TBC1D9: variants seen among roughly 807,000 people sequenced by gnomAD.
The protein encoded by TBC1D9 is TBC1 domain family member 9, also known as TBC1 domain family member 9A.
A neutral mutation model predicts 132.0 loss-of-function variants in TBC1D9; 63 were observed. That is an observed-to-expected ratio of 0.48 (90% CI 0.39 to 0.59). The LOEUF (loss-of-function observed/expected upper bound fraction) is 0.59, where lower values mean the gene tolerates loss of function less well. Ranked by LOEUF, TBC1D9 falls within the 20% of genes least tolerant of loss-of-function variation. TBC1D9 has a pLI of 0.00. For synonymous variants in TBC1D9, 610 were observed against 609.9 expected (o/e 1.00, Z 0.00); for missense variants, 1,261 against 1,592.7 (o/e 0.79, Z 3.54).
chr4:140,641,091 AAAAAAAAAAAAAAC>A (rs1293826822), intron 13 of TBC1D9, among the ~76,000 whole-genome samples: 4 of 56,864 alleles, frequency 7.0e-5, no homozygotes, highest in Non-Finnish European at 1.0e-4. Context: ...AATACTAAGC[AAAAAAAAAAAAAAC>A]AAAAAAAAAC....
chr4:140,720,298 T>C (rs1738403444), intron 1 of TBC1D9, among the ~76,000 whole-genome samples: 4 of 152,158 alleles, frequency 2.6e-5, no homozygotes, highest in African/African-American at 9.7e-5. Context: ...GTTTCTGGGC[T>C]CAGGAGTCAC....
intron 1 of TBC1D9, chr4:140,712,196 G>A (rs1268678526): frequency 6.7e-6 from 1 of 148,384 alleles, no homozygotes; most frequent in Non-Finnish European, 1.5e-5. Context: ...CTTCCTTGGA[G>A]AGGGACCTGG....
chr4:140,749,683 A>T (rs1477120596), intron 1 of TBC1D9, among the ~76,000 whole-genome samples: 1 of 152,142 alleles, frequency 6.6e-6, no homozygotes, highest in Non-Finnish European at 1.5e-5. Flanking sequence ...TTAAATTACT[A>T]AACATTATAA....
chr4:140,721,312 C>T (rs899063447), intron 1 of TBC1D9, among the ~76,000 whole-genome samples: 2 of 152,320 alleles, frequency 1.3e-5, no homozygotes, highest in Admixed American at 6.5e-5. Flanking sequence ...GGTGACCTTA[C>T]GCCAGGTAGG....
chr4:140,642,703 T>C, intron 13 of TBC1D9: 1 of 662,554 alleles, frequency 1.5e-6, no homozygotes, highest in Non-Finnish European at 2.7e-6. Context: ...GGGCATTGTG[T>C]TCCTCCTTGG....
At chr4:140,699,357 C>T (rs1166942587) in intron 2 of TBC1D9, among the ~76,000 whole-genome samples, 3 of 152,124 alleles carry the variant, frequency 2.0e-5, no homozygotes, top group Admixed American at 6.5e-5. Context: ...AAAGAGAATA[C>T]TTTGAAAAGG....
intron 9 of TBC1D9, among the ~76,000 whole-genome samples, chr4:140,667,079 G>A (rs1388125060): frequency 6.6e-6 from 1 of 152,214 alleles, no homozygotes; most frequent in Non-Finnish European, 1.5e-5. Context: ...TTCAGGTCAT[G>A]ATGCCGTCAC....
In TBC1D9 at chr4:140,622,000, T is replaced by C. The variant is rs1438050793; in HGVS notation, c.*195A>G. The C allele has an allele frequency of 1.2e-5, 8 of 681,510 alleles. No individual in the cohort carries two copies. The East Asian group carries it at 2.4e-4, about 21-fold the overall frequency. 42.2% of individuals were successfully genotyped at this position (681,510 alleles called of 1,614,324 possible). A position where few individuals can be genotyped will look rare whatever the true frequency, so the allele number is the denominator to read the frequency against. On this transcript the variant is annotated 3_prime_UTR_variant, in exon 21 of 21. Coordinates refer to ENST00000442267, the MANE Select transcript of TBC1D9 (RefSeq NM_015130.3). ...GTAAATCCCCTCCCCGCAACAAGAG[T>C]GTAATGTACCTACATTGAGGTGTTT...
intron 4 of TBC1D9, among the ~76,000 whole-genome samples, 185 bp downstream of exon 4, chr4:140,679,430 T>C (rs542363028): frequency 2.0e-5 from 3 of 152,316 alleles, no homozygotes; most frequent in South Asian, 2.1e-4. Context: ...CTTTAGTGAA[T>C]CTTTATTACT....
At chr4:140,750,279 T>C (rs903844143) in intron 1 of TBC1D9, among the ~76,000 whole-genome samples, 2 of 151,950 alleles carry the variant, frequency 1.3e-5, no homozygotes, top group African/African-American at 2.4e-5. Flanking sequence ...TTCATAATTG[T>C]ATATGAGGTC....
At chr4:140,719,982 C>T (rs1738398007) in intron 1 of TBC1D9, among the ~76,000 whole-genome samples, 1 of 152,140 alleles carries the variant, frequency 6.6e-6, no homozygotes, top group South Asian at 2.1e-4. Flanking sequence ...TGATAAAAAC[C>T]ACAATTTCTT....
intron 1 of TBC1D9, among the ~76,000 whole-genome samples, chr4:140,750,269 T>C (rs1738900005): frequency 6.6e-6 from 1 of 152,038 alleles, no homozygotes; most frequent in Non-Finnish European, 1.5e-5. Flanking sequence ...GCCACATCAA[T>C]TCATAATTGT....
chr4:140,641,949 A>C (rs1183340015), intron 13 of TBC1D9: 1 of 514,150 alleles, frequency 1.9e-6, no homozygotes, highest in Non-Finnish European at 3.5e-6. Flanking sequence ...GTGTTTGGAG[A>C]TAGTAACCTT....
chr4:140,752,900 T>C (rs1738947599), intron 1 of TBC1D9, among the ~76,000 whole-genome samples: 1 of 152,200 alleles, frequency 6.6e-6, no homozygotes, highest in Admixed American at 6.5e-5. Context: ...GTTTCCCTAC[T>C]CATCTGTCAT....
intron 1 of TBC1D9, among the ~76,000 whole-genome samples, chr4:140,754,092 T>C (rs543542298): frequency 2.0e-4 from 30 of 152,288 alleles, no homozygotes; most frequent in African/African-American, 7.2e-4. Context: ...AAGATGAGAT[T>C]TCAAGTGGAC....
At chr4:140,630,381 T>A (rs1736775960) in intron 16 of TBC1D9, among the ~76,000 whole-genome samples, 1 of 152,218 alleles carries the variant, frequency 6.6e-6, no homozygotes, top group South Asian at 2.1e-4. Context: ...AGATCCATGG[T>A]AGCATTATAA....
In TBC1D9 at chr4:140,657,094, T is replaced by C. The variant is rs372002820; in HGVS notation, c.2337+3A>G. On this transcript the variant is annotated splice_donor_region_variant and intron_variant, in intron 13 of 20. Coordinates refer to ENST00000442267, the MANE Select transcript of TBC1D9 (RefSeq NM_015130.3). ...CCCTGCTCAGCCAGGAGACAAGACC[T>C]ACCTCGTAGGAAGTTCTGATGAGTC... 1 of 1,612,864 alleles carries C rather than the reference T, an allele frequency of 6.2e-7. No individual in the cohort carries two copies. The highest frequency in any genetic ancestry group is 1.3e-5 in the African/African-American group (1 of 74,916).
intron 1 of TBC1D9, among the ~76,000 whole-genome samples, chr4:140,737,798 G>T (rs1157504049): frequency 1.3e-5 from 2 of 152,134 alleles, no homozygotes; most frequent in East Asian, 1.9e-4. Flanking sequence ...TGGAGTTGAG[G>T]AATGTTAGAC....
chr4:140,709,692 G>A (rs1157325457), intron 1 of TBC1D9, among the ~76,000 whole-genome samples: 1 of 152,140 alleles, frequency 6.6e-6, no homozygotes, highest in Non-Finnish European at 1.5e-5. Flanking sequence ...CTGGTTTCAT[G>A]GAAGACAATT....
Sources: gnomAD v4.1 joint callset for allele counts (sites outside exome capture counted in the v4.1 genomes callset) on GRCh38, gnomAD v4.1.1 for gene constraint, MANE v1.5 for transcripts, NCBI Gene and HGNC (gene_info 2026-07-23, HGNC 2026-07-21) for gene names.